The following AKAP13 variants were observed in gnomAD, a reference collection of about 807,000 sequenced individuals.
AKAP13 encodes the protein A-kinase anchoring protein 13, also known as A-kinase anchor protein 13.
Under a neutral mutation model 264.5 loss-of-function variants are expected in AKAP13, and 80 were observed. That is an observed-to-expected ratio of 0.30 (90% CI 0.25 to 0.36). The LOEUF is 0.36. AKAP13 is among the 10% of genes least tolerant of loss of function. The probability of loss-of-function intolerance (pLI) is 1.00; values close to 1 mark genes in which losing one functional copy is unlikely to be tolerated. For missense variants in AKAP13, 3,712 were observed against 3,435.2 expected (o/e 1.08, Z -2.01); for synonymous variants, 1,380 against 1,250.2 (o/e 1.10, Z -2.19).
At chr15:85,739,263 C>G (rs1240616839) in intron 33 of AKAP13, among the ~76,000 whole-genome samples, 1 of 152,226 alleles carries the variant, frequency 6.6e-6, no homozygotes, top group African/African-American at 2.4e-5. Context: ...TACAAATGCT[C>G]ATTTTCATCT....
rs138293596 is a variant in AKAP13, at chr15:85,495,447, A to G, written c.33+9694A>G. Among the ~76,000 whole-genome samples, 358 of 152,284 alleles carry G rather than the reference A, an allele frequency of 2.4e-3. 1 individual carries two copies. The highest frequency in any genetic ancestry group is 8.1e-3 in the African/African-American group (335 of 41,562). Reference sequence around the variant, plus strand: ...ATAAGAACACATTTCAAGAGGAGAAATTTGGGGTGCATATCTCAGATTCTT... The same window carrying G: ...ATAAGAACACATTTCAAGAGGAGAAGTTTGGGGTGCATATCTCAGATTCTT... On this transcript the variant is annotated intron_variant, in intron 2 of 36. Transcript: ENST00000394518.
chr15:85,684,115 C>G (rs2151610867), intron 15 of AKAP13, among the ~76,000 whole-genome samples: 1 of 152,286 alleles, frequency 6.6e-6, no homozygotes, highest in South Asian at 2.1e-4. Flanking sequence ...CCCTGTCATT[C>G]TGCTACATAT....
intron 1 of AKAP13, among the ~76,000 whole-genome samples, chr15:85,436,350 TC>T (rs1251682395): frequency 9.0e-6 from 1 of 111,124 alleles, no homozygotes; most frequent in African/African-American, 3.6e-5. Flanking sequence ...AGACTTAGAC[TC>T]CCACACATTA....
intron 2 of AKAP13, among the ~76,000 whole-genome samples, chr15:85,507,383 C>A (rs375052977): frequency 8.8e-4 from 121 of 137,588 alleles, no homozygotes; most frequent in Non-Finnish European, 9.2e-4. Context: ...TTTGTGCTAC[C>A]AAAAAAAAAA....
At chr15:85,639,058 T>C (rs940966637) in intron 8 of AKAP13, among the ~76,000 whole-genome samples, 6 of 152,200 alleles carry the variant, frequency 3.9e-5, no homozygotes, top group Admixed American at 2.6e-4. Flanking sequence ...ACCAAATATG[T>C]ATTTTAATAT....
chr15:85,429,523 G>T (rs192923964), intron 1 of AKAP13, among the ~76,000 whole-genome samples: 1 of 152,312 alleles, frequency 6.6e-6, no homozygotes, highest in East Asian at 1.9e-4. Context: ...TAAGAAAATA[G>T]TAACCTCCCT....
intron 3 of AKAP13, among the ~76,000 whole-genome samples, chr15:85,525,625 G>A (rs1435360241): frequency 2.6e-5 from 4 of 152,172 alleles, no homozygotes; most frequent in African/African-American, 4.8e-5. Context: ...TCTTGCCTTA[G>A]TAATAAATGA....
At chr15:85,435,397 A>T (rs1413331737) in intron 1 of AKAP13, among the ~76,000 whole-genome samples, 3 of 119,174 alleles carry the variant, frequency 2.5e-5, no homozygotes, top group East Asian at 2.3e-4. Context: ...ACTCTGCAGG[A>T]TATTATCCAG....
At chr15:85,529,051 G>A (rs1401783160) in intron 3 of AKAP13, among the ~76,000 whole-genome samples, 1 of 152,174 alleles carries the variant, frequency 6.6e-6, no homozygotes, top group Non-Finnish European at 1.5e-5. Context: ...TATGCAGAAA[G>A]TTAGATTGTG....
At position 85,579,864 on chromosome 15, in the gene AKAP13, A is replaced by T. The variant is rs2079119393; in HGVS notation, c.1796A>T (p.Asp599Val). Residue 599 changes from aspartate to valine, a missense_variant, in exon 7 of 37, where the codon GAT (aspartate) becomes GTT (valine). Physicochemically the swap from Asp to Val is radical, Grantham distance 152. This residue lies in a region of AKAP13 where 2,759 missense variants were observed against 2,411.7 expected (regional missense o/e 1.14). Transcript: ENST00000394518. ...IPAAAKDKIS[D>V]GLEPYTLLAA... ...GCTGCTGCAAAAGACAAGATTTCAG[A>T]TGGATTAGAACCTTATACTCTCTTA... is the stretch of plus-strand genomic sequence containing the variant. 1.2e-6 allele frequency: 2 copies of T among 1,614,076 alleles called. No individual in the cohort carries two copies. The highest frequency in any genetic ancestry group is 1.7e-6 in the Non-Finnish European group (2 of 1,180,040).
intron 1 of AKAP13, among the ~76,000 whole-genome samples, chr15:85,383,236 C>T (rs1171652040): frequency 1.3e-5 from 2 of 152,090 alleles, no homozygotes; most frequent in Admixed American, 6.6e-5. Flanking sequence ...TCACAACTCT[C>T]CCTCCATTGT....
chr15:85,627,177 A>G (rs1018436620), intron 8 of AKAP13, among the ~76,000 whole-genome samples: 4 of 152,182 alleles, frequency 2.6e-5, no homozygotes, highest in Non-Finnish European at 4.4e-5. Flanking sequence ...TCTCAAGAAC[A>G]AATGAAGCTA....
chr15:85,674,437 C>A (rs960643809), intron 14 of AKAP13, among the ~76,000 whole-genome samples: 5 of 152,096 alleles, frequency 3.3e-5, no homozygotes, highest in Non-Finnish European at 2.9e-5. Context: ...GCAAATATTC[C>A]AAAATTCAAA....
chr15:85,601,597 A>G (rs1158941697), intron 8 of AKAP13, among the ~76,000 whole-genome samples: 1 of 67,786 alleles, frequency 1.5e-5, no homozygotes, highest in Non-Finnish European at 3.4e-5. Flanking sequence ...ATCTTCTCTC[A>G]CCTGAATTCT....
At position 85,734,999 on chromosome 15, in the gene AKAP13, C is replaced by G; in HGVS notation, c.7290C>G (p.Ile2430Met). ...LMKSAINEVEILQGLVSGNLG... is the reference protein window; with the variant it reads ...LMKSAINEVEMLQGLVSGNLG... ...ATGTTTCCTTTATTCCAGTGGAGAT[C>G]CTTCAGGGTTTGGTGAGTGGAAATC... Residue 2430 changes from isoleucine to methionine, a missense_variant, in exon 31 of 37, where the codon ATC becomes ATG. Transcript: ENST00000394518. 6.2e-7 allele frequency: 1 copy of G among 1,613,256 alleles called. No individual in the cohort carries two copies. Among genetic ancestry groups the G allele is most frequent in the Non-Finnish European group, 8.5e-7 (1 of 1,179,726 alleles).
chr15:85,489,983 C>T (rs980285774), intron 2 of AKAP13, among the ~76,000 whole-genome samples: 1 of 152,160 alleles, frequency 6.6e-6, no homozygotes, highest in Non-Finnish European at 1.5e-5. Context: ...ATGAGTACAA[C>T]CTTTATGTTA....
rs763038883 is a variant in AKAP13 at position 85,741,066 on chromosome 15, C to T, written c.7629C>T (p.Asp2543=). 1.2e-6 allele frequency: 2 copies of T among 1,611,506 alleles called. No individual in the cohort carries two copies. The highest frequency in any genetic ancestry group is 1.7e-6 in the Non-Finnish European group (2 of 1,178,726). The change falls in exon 35 of 37, where the codon GAC becomes GAT. Residue 2543 remains aspartate, a synonymous_variant. Coordinates refer to ENST00000394518, the MANE Select transcript of AKAP13 (RefSeq NM_007200.5). ...SALQGVVLQQ[D]SYIEDQKLVL... Reference sequence around the variant, plus strand: ...CCCAGGGTGTGGTGCTGCAGCAGGACAGCTACATTGAGGACCAGAAACTGG... The same window carrying T: ...CCCAGGGTGTGGTGCTGCAGCAGGATAGCTACATTGAGGACCAGAAACTGG...
Position 85,741,426 on chromosome 15 carries a change from G to T in AKAP13, c.7989G>T (p.Arg2663Ser). 1 of 1,611,986 alleles carries T rather than the reference G, an allele frequency of 6.2e-7. No homozygotes were observed. The highest frequency in any genetic ancestry group is 1.1e-5 in the South Asian group (1 of 91,046). Residue 2663 changes from arginine to serine, a missense_variant, in exon 35 of 37, where the codon AGG (arginine) becomes AGT (serine). Physicochemically the swap from Arg to Ser is moderately radical, Grantham distance 110 (BLOSUM62 -1). This residue lies in a region of AKAP13 where 611 missense variants were observed against 539.3 expected (regional missense o/e 1.13). Coordinates refer to ENST00000394518, the MANE Select transcript of AKAP13 (RefSeq NM_007200.5). ...RLRAAQKQLE[R>S]EQEQLRREAE... ...GTGCTGCCCAGAAACAGCTTGAGAG[G>T]GAACAGGAGCAGCTGCGCCGGGAGG...
At chr15:85,681,602 A>G (rs1411945374) in intron 14 of AKAP13, among the ~76,000 whole-genome samples, 1 of 151,938 alleles carries the variant, frequency 6.6e-6, no homozygotes, top group Non-Finnish European at 1.5e-5. Context: ...AGATGAGGAA[A>G]TGAAATCCAA....
Sources: allele counts gnomAD v4.1 joint callset (sites outside exome capture counted in the v4.1 genomes callset), GRCh38; gene constraint gnomAD v4.1.1; regional missense constraint gnomAD v4.1.1; transcripts MANE v1.5; gene names NCBI Gene and HGNC (gene_info 2026-07-23, HGNC 2026-07-21).